Variants in CES1 observed in about 807,000 individuals in gnomAD.
CES1 encodes carboxylesterase 1, also known as liver carboxylesterase 1.
Under a neutral mutation model 53.0 loss-of-function variants are expected in CES1, and 50 were observed. The ratio of observed to expected loss-of-function variants is 0.94; its 90% CI spans 0.75 to 1.19. The LOEUF is 1.19. CES1 is among the 50% of genes most tolerant of loss of function. The pLI, the probability that CES1 is intolerant of heterozygous loss-of-function variation, is 0.00. For synonymous variants in CES1, 202 were observed against 210.1 expected (o/e 0.96, Z 0.33); for missense variants, 534 against 538.0 (o/e 0.99, Z 0.07).
intron 11 of CES1, among the ~76,000 whole-genome samples, chr16:55,809,632 T>C (rs1404367825): frequency 6.6e-6 from 1 of 152,202 alleles, no homozygotes; most frequent in Non-Finnish European, 1.5e-5. Context: ...TGTGCTTGCA[T>C]GCTACTGCAC....
In CES1 at chr16:55,810,610, C is replaced by G; in HGVS notation, c.1225G>C (p.Asp409His). 1 of 1,614,172 alleles carries G rather than the reference C, an allele frequency of 6.2e-7. No homozygotes were observed. The highest frequency in any genetic ancestry group is 8.5e-7 in the Non-Finnish European group (1 of 1,180,014). The change falls in exon 11 of 14, where the codon GAC becomes CAC. Residue 409 changes from aspartate (D) to histidine (H), a missense_variant. Asp to His is a moderately conservative substitution (Grantham distance 81, BLOSUM62 -1). Coordinates refer to ENST00000360526, the MANE Select transcript of CES1 (RefSeq NM_001025195.2). ...EATEKYLGGT[D>H]DTVKKKDLFL... ...AGGTCTTTCTTTTTGACAGTGTCGTCTGTTCCTCCTAAGTATTTCTCAGTG... is the reference window on the plus strand; with the variant it reads ...AGGTCTTTCTTTTTGACAGTGTCGTGTGTTCCTCCTAAGTATTTCTCAGTG...
chr16:55,822,627 T>C (rs2032244906), intron 4 of CES1, among the ~76,000 whole-genome samples: 1 of 151,926 alleles, frequency 6.6e-6, no homozygotes, highest in African/African-American at 2.4e-5. Flanking sequence ...GCCTGTGGGC[T>C]TCAAAGGTGA....
Position 55,810,540 on chromosome 16 carries a change from A to T in CES1, c.1295T>A (p.Val432Glu), listed in dbSNP as rs768690358. 9.5e-5 allele frequency: 154 copies of T among 1,613,954 alleles called. 2 individuals are homozygous for T. Among genetic ancestry groups the T allele is most frequent in the Admixed American group, 4.5e-4 (27 of 60,002 alleles). Reference sequence around the variant, plus strand: ...ACCTCTGTGGTTCCGGGCCACAATCACAGATGGGACACCAAACATCACATC... The same window carrying T: ...ACCTCTGTGGTTCCGGGCCACAATCTCAGATGGGACACCAAACATCACATC... ...IADVMFGVPSVIVARNHRDAG... is the reference protein window; with the variant it reads ...IADVMFGVPSEIVARNHRDAG... The change falls in exon 11 of 14, where the codon GTG becomes GAG. Residue 432 changes from valine to glutamate, a missense_variant. Transcript: ENST00000360526.
intron 7 of CES1, 54 bp from the exon 8 acceptor site, chr16:55,817,016 A>T (rs1265170362): frequency 6.3e-7 from 1 of 1,598,604 alleles, no homozygotes; most frequent in Non-Finnish European, 8.6e-7. Flanking sequence ...GAGAACACTG[A>T]GCTGGGTGAG....
At chr16:55,824,954 C>A (rs537704514) in intron 3 of CES1, among the ~76,000 whole-genome samples, 1 of 152,310 alleles carries the variant, frequency 6.6e-6, no homozygotes, top group African/African-American at 2.4e-5. Flanking sequence ...CAACTCTAAT[C>A]CCTGCCTGCC....
intron 2 of CES1, chr16:55,828,309 A>G (rs1197994352): frequency 1.3e-5 from 4 of 309,808 alleles, no homozygotes; most frequent in East Asian, 1.6e-4. Flanking sequence ...CTTGCCACCC[A>G]CACACCTCCT....
At chr16:55,832,037 A>G (rs1385145474) in intron 1 of CES1, among the ~76,000 whole-genome samples, 2 of 152,168 alleles carry the variant, frequency 1.3e-5, no homozygotes, top group African/African-American at 2.4e-5. Context: ...CCACACCCCA[A>G]CTGCCTCTTT....
chr16:55,830,445 A>C (rs2032592183), intron 1 of CES1, among the ~76,000 whole-genome samples: 1 of 152,078 alleles, frequency 6.6e-6, no homozygotes, highest in Non-Finnish European at 1.5e-5. Flanking sequence ...CATCTTAATT[A>C]TTTTAAAATT....
chr16:55,827,289 T>TAAC (rs1168006036), intron 2 of CES1, among the ~76,000 whole-genome samples: 4 of 148,930 alleles, frequency 2.7e-5, no homozygotes, highest in African/African-American at 9.8e-5. Context: ...ATAATAATAA[T>TAAC]AATAATAATA....
At chr16:55,811,279 C>T (rs1162756758) in intron 9 of CES1, among the ~76,000 whole-genome samples, 2 of 151,016 alleles carry the variant, frequency 1.3e-5, no homozygotes, top group Non-Finnish European at 2.9e-5. Context: ...TGTGTGTGCG[C>T]GCGTGTGTGT....
chr16:55,814,768 CT>C (rs1428535084), intron 8 of CES1, among the ~76,000 whole-genome samples: 1 of 152,196 alleles, frequency 6.6e-6, no homozygotes, highest in Non-Finnish European at 1.5e-5. Flanking sequence ...CTTTGGTCTG[CT>C]CTACAAAAGC....
At chr16:55,824,716 C>T (rs1293610332) in intron 3 of CES1, among the ~76,000 whole-genome samples, 2 of 152,204 alleles carry the variant, frequency 1.3e-5, no homozygotes, top group Non-Finnish European at 2.9e-5. Context: ...CTGCCTCTGC[C>T]TTTTTAGCCA....
Position 55,824,267 on chromosome 16 carries a change from GGA to G in CES1, c.406-586_406-585del, listed in dbSNP as rs2032334110. 2.0e-5 allele frequency among the ~76,000 whole-genome samples: 3 copies of G among 152,292 alleles called. No homozygotes were observed. The South Asian group carries it at 6.2e-4, about 31-fold the overall frequency. ...CCACTTCAGGATGCCTTCAGTCAAT[GGA>G]CTAACACTGTCGAGAACTTAGCATG... On this transcript the variant is annotated intron_variant, in intron 3 of 13. Coordinates refer to ENST00000360526, the MANE Select transcript of CES1 (RefSeq NM_001025195.2).
chr16:55,828,010 A>T (rs1156504079), intron 2 of CES1: 2 of 152,530 alleles, frequency 1.3e-5, no homozygotes, highest in Non-Finnish European at 2.9e-5. Context: ...TTACATTTGC[A>T]CTCAGAAAAT....
intron 2 of CES1, among the ~76,000 whole-genome samples, chr16:55,826,686 G>C (rs2142349626): frequency 1.3e-5 from 2 of 152,244 alleles, no homozygotes; most frequent in East Asian, 3.9e-4. Context: ...GCATTTATGG[G>C]GTGACCTTGG....
chr16:55,815,974 A>G (rs1281873076), intron 8 of CES1, among the ~76,000 whole-genome samples: 2 of 152,292 alleles, frequency 1.3e-5, no homozygotes, highest in Non-Finnish European at 2.9e-5. Context: ...CTCCAGCCAG[A>G]CTGGCCCCTT....
chr16:55,810,026 C>T (rs2031618349), intron 11 of CES1, among the ~76,000 whole-genome samples: 1 of 152,242 alleles, frequency 6.6e-6, no homozygotes, highest in South Asian at 2.1e-4. Flanking sequence ...CAAGAGACTA[C>T]TCTGCCCTTG....
intron 1 of CES1, among the ~76,000 whole-genome samples, chr16:55,829,498 C>A (rs751419082): frequency 6.6e-6 from 1 of 152,216 alleles, no homozygotes; most frequent in African/African-American, 2.4e-5. Context: ...CATGGAGGAG[C>A]TGGGACTTGC....
At chr16:55,822,872 C>G (rs562144307) in intron 4 of CES1, among the ~76,000 whole-genome samples, 1 of 152,012 alleles carries the variant, frequency 6.6e-6, no homozygotes, top group Non-Finnish European at 1.5e-5. Context: ...AACTGAGTGG[C>G]GTGTTCAGGA....
Sources: gnomAD v4.1 joint callset for allele counts (sites outside exome capture counted in the v4.1 genomes callset) on GRCh38, gnomAD v4.1.1 for gene constraint, MANE v1.5 for transcripts, NCBI Gene and HGNC (gene_info 2026-07-23, HGNC 2026-07-21) for gene names.